The following ENTPD5 variants were observed in gnomAD, a reference collection of about 807,000 sequenced individuals.
The protein encoded by ENTPD5 is nucleoside diphosphate phosphatase ENTPD5.
ENTPD5 carries 49 observed loss-of-function variants against 60.2 expected under a neutral mutation model. That is an observed-to-expected ratio of 0.81 (90% CI 0.65 to 1.03). The LOEUF (loss-of-function observed/expected upper bound fraction) is 1.03. Among genes scored for constraint, ENTPD5 ranks in the 50% least tolerant of loss-of-function variants. The probability of loss-of-function intolerance (pLI) is 0.00; values close to 1 mark genes in which losing one functional copy is unlikely to be tolerated. For missense variants in ENTPD5, 480 were observed against 507.6 expected (o/e 0.95, Z 0.52); for synonymous variants, 187 against 185.4 (o/e 1.01, Z -0.07).
chr14:73,996,117 T>C, intron 3 of ENTPD5: 3 of 985,098 alleles, frequency 3.0e-6, no homozygotes, highest in Non-Finnish European at 3.6e-6. Flanking sequence ...CCTGCTTGTG[T>C]CTGCCGGTTC....
chr14:73,978,449 C>CA (rs1233333831), intron 6 of ENTPD5, among the ~76,000 whole-genome samples: 1 of 151,418 alleles, frequency 6.6e-6, no homozygotes, highest in Non-Finnish European at 1.5e-5. Context: ...ACTAAAAATA[C>CA]AAAAAAATTA....
At chr14:73,962,148 A>G (rs12880050), downstream of ENTPD5, among the ~76,000 whole-genome samples, 17,174 of 151,628 alleles carry the variant, frequency 0.11, 1,264 homozygotes, top group Admixed American at 0.19. Flanking sequence ...GGGTTTCACC[A>G]TGTTGGCCAA....
chr14:74,018,902 G>A (rs1352648561), intron 1 of ENTPD5: 1 of 152,626 alleles, frequency 6.6e-6, no homozygotes, highest in East Asian at 1.9e-4. Flanking sequence ...GAAAAGCCAG[G>A]AAAGAGATGC....
intron 15 of ENTPD5, among the ~76,000 whole-genome samples, chr14:73,969,077 C>T (rs1350678525): frequency 6.6e-6 from 1 of 152,194 alleles, no homozygotes; most frequent in African/African-American, 2.4e-5. Context: ...TGTCCTCTGC[C>T]AAAGAAAACC....
intron 4 of ENTPD5, 64 bp downstream of exon 4, chr14:73,987,822 T>C (rs1056760621): frequency 6.1e-6 from 9 of 1,464,452 alleles, no homozygotes; most frequent in Non-Finnish European, 8.5e-6. Context: ...AGCATATTTG[T>C]TTCTGGGAGG....
At chr14:74,018,900 A>G in intron 1 of ENTPD5, 1 of 152,718 alleles carries the variant, frequency 6.5e-6, no homozygotes, top group Non-Finnish European at 1.5e-5. Flanking sequence ...GTGAAAAGCC[A>G]GGAAAGAGAT....
chr14:74,000,200 T>C (rs1289995872), intron 3 of ENTPD5, among the ~76,000 whole-genome samples: 1 of 151,860 alleles, frequency 6.6e-6, no homozygotes, highest in African/African-American at 2.4e-5. Context: ...CTCACGTCTG[T>C]AATCCTAGCA....
intron 3 of ENTPD5, among the ~76,000 whole-genome samples, chr14:73,990,628 C>T (rs2058092136): frequency 6.6e-6 from 1 of 151,890 alleles, no homozygotes; most frequent in African/African-American, 2.4e-5. Context: ...TTCACCCAGC[C>T]GGATTTGTTT....
chr14:73,962,108 C>T (rs893103147), downstream of ENTPD5, among the ~76,000 whole-genome samples: 13 of 151,722 alleles, frequency 8.6e-5, no homozygotes, highest in Admixed American at 2.6e-4. Context: ...CCACCACACC[C>T]GGCTAATTTT....
At chr14:74,000,711 G>A (rs1057196096) in intron 3 of ENTPD5, among the ~76,000 whole-genome samples, 4 of 151,582 alleles carry the variant, frequency 2.6e-5, no homozygotes, top group East Asian at 2.0e-4. Flanking sequence ...CCTGGGAGGC[G>A]AGGCTGCAGG....
chr14:73,963,112 AT>A (rs1446719091), downstream of ENTPD5: 1 of 957,676 alleles, frequency 1.0e-6, no homozygotes, highest in East Asian at 2.6e-5. Context: ...TTACATTAAA[AT>A]TCTCTTTTTC....
chr14:74,015,080 CA>C (rs57058415), intron 2 of ENTPD5, among the ~76,000 whole-genome samples: 60,870 of 125,530 alleles, frequency 0.48, 12,949 homozygotes, highest in East Asian at 0.69. Context: ...GACTACCTCT[CA>C]AAAAAAAAAA....
At chr14:73,977,490 T>C (rs952056418) in intron 6 of ENTPD5, 116 bp from the exon 7 acceptor site, 5 of 793,140 alleles carry the variant, frequency 6.3e-6, no homozygotes, top group South Asian at 1.8e-5. Context: ...CTAGATAAAA[T>C]TTTGGCAAAA....
rs1165788968 is a variant in ENTPD5 at position 73,966,931 on chromosome 14, A to G, written c.1284T>C (p.His428=). The G allele has an allele frequency of 1.9e-6, 3 of 1,613,622 alleles. No individual in the cohort carries two copies. Among genetic ancestry groups the G allele is most frequent in the Middle Eastern group, 3.3e-4 (2 of 6,080 alleles). Residue 428 remains histidine, a synonymous_variant, in exon 16 of 16, where the codon CAT becomes CAC. Coordinates refer to ENST00000334696, the MANE Select transcript of ENTPD5 (RefSeq NM_001249.5). ...FHLLQSLGIS[H] is the part of the protein sequence containing the mutation. Reference sequence around the variant, plus strand: ...GTCTCCAAGGAAGTACGTGGCCTCAATGGGAGATGCCCAGAGACTGCAACA... The same window carrying G: ...GTCTCCAAGGAAGTACGTGGCCTCAGTGGGAGATGCCCAGAGACTGCAACA...
downstream of ENTPD5, among the ~76,000 whole-genome samples, chr14:73,962,093 G>A (rs559316987): frequency 4.7e-4 from 71 of 151,852 alleles, no homozygotes; most frequent in African/African-American, 1.6e-3. Flanking sequence ...GATTACAGGC[G>A]CCCACCACCA....
At position 73,973,018 on chromosome 14, in the gene ENTPD5, A is replaced by T; in HGVS notation, c.893T>A (p.Val298Glu). Residue 298 changes from valine to glutamate, a missense_variant, in exon 13 of 16, where the codon GTG becomes GAG. Coordinates refer to ENST00000334696, the MANE Select transcript of ENTPD5 (RefSeq NM_001249.5). ...YQYGGNQEGE[V>E]GFEPCYAEVL... is the part of the protein sequence containing the mutation. ...TTCGGCATAGCAGGGCTCAAAGCCCACCTCCCCTGCCAGGCAAAGGTGCAC... is the reference window on the plus strand; with the variant it reads ...TTCGGCATAGCAGGGCTCAAAGCCCTCCTCCCCTGCCAGGCAAAGGTGCAC... 1 of 1,614,022 alleles carries T rather than the reference A, an allele frequency of 6.2e-7. No individual in the cohort carries two copies. Among genetic ancestry groups the T allele is most frequent in the Non-Finnish European group, 8.5e-7 (1 of 1,179,960 alleles).
intron 5 of ENTPD5, among the ~76,000 whole-genome samples, chr14:73,983,758 T>C (rs1044674606): frequency 6.6e-6 from 1 of 151,498 alleles, no homozygotes; most frequent in African/African-American, 2.4e-5. Context: ...TCTTGTGATC[T>C]TGGCTCACTG....
At chr14:73,989,287 C>A (rs968723111) in intron 3 of ENTPD5, among the ~76,000 whole-genome samples, 1 of 151,458 alleles carries the variant, frequency 6.6e-6, no homozygotes, top group Non-Finnish European at 1.5e-5. Context: ...ACAGGCCAGG[C>A]GCAGTGGCTC....
chr14:74,003,282 T>C, intron 3 of ENTPD5: 1 of 395,950 alleles, frequency 2.5e-6, no homozygotes, highest in South Asian at 2.2e-5. Context: ...TGTTTACTGG[T>C]GTAACCCAAG....
Sources: allele counts gnomAD v4.1 joint callset (sites outside exome capture counted in the v4.1 genomes callset), GRCh38; gene constraint gnomAD v4.1.1; transcripts MANE v1.5; gene names NCBI Gene and HGNC (gene_info 2026-07-23, HGNC 2026-07-21).